KIAA2012: variants seen among roughly 807,000 people sequenced by gnomAD.
KIAA2012 encodes uncharacterized protein KIAA2012.
A neutral mutation model predicts 150.6 loss-of-function variants in KIAA2012; 125 were observed. The observed-to-expected ratio is 0.83, with a 90% CI of 0.72 to 0.96. The LOEUF (loss-of-function observed/expected upper bound fraction) is 0.96, where lower values mean the gene tolerates loss of function less well. Among genes scored for constraint, KIAA2012 ranks in the 40% least tolerant of loss-of-function variants. The pLI is 0.00. For missense variants in KIAA2012, 1,219 were observed against 1,354.9 expected, an observed-to-expected ratio of 0.90 and a Z score of 1.57; for synonymous variants, 462 against 504.7, an observed-to-expected ratio of 0.92 and a Z score of 1.13.
At chr2:202,196,351 C>T (rs1347088738) in intron 21 of KIAA2012, among the ~76,000 whole-genome samples, 6 of 151,674 alleles carry the variant, frequency 4.0e-5, no homozygotes, top group East Asian at 1.9e-4. Flanking sequence ...CCTGCCACCA[C>T]GCCCCGCTAA....
At chr2:202,079,788 C>T (rs1039950254) in intron 2 of KIAA2012, among the ~76,000 whole-genome samples, 2 of 152,128 alleles carry the variant, frequency 1.3e-5, no homozygotes, top group Admixed American at 6.5e-5. Flanking sequence ...TTCTTGAGGC[C>T]TTTAATTTAT....
chr2:202,119,140 C>T (rs762292819), intron 11 of KIAA2012, among the ~76,000 whole-genome samples: 6 of 151,998 alleles, frequency 3.9e-5, no homozygotes, highest in South Asian at 4.2e-4. Flanking sequence ...GGCATGATGG[C>T]GGGTGCCTGT....
intron 15 of KIAA2012, among the ~76,000 whole-genome samples, chr2:202,166,621 C>T (rs1416780035): frequency 6.6e-6 from 1 of 151,228 alleles, no homozygotes; most frequent in Non-Finnish European, 1.5e-5. Context: ...CATGCCACTG[C>T]ACTCCAGCCT....
intron 2 of KIAA2012, among the ~76,000 whole-genome samples, chr2:202,079,945 T>C (rs1689409595): frequency 1.3e-5 from 2 of 152,248 alleles, no homozygotes; most frequent in Admixed American, 1.3e-4. Context: ...GCATTTTACC[T>C]GTATAACCTC....
chr2:202,115,747 A>AT lies in KIAA2012; in HGVS notation c.1762+2303dup, dbSNP rs1690502565. ...GCTGGGTTTTTTGTTTTTTGTTTTA[A>AT]TTAAAAAAAAAAAAAAACTCTTGAG... On this transcript the variant is annotated intron_variant, in intron 11 of 23. Coordinates refer to ENST00000498697, the MANE Select transcript of KIAA2012 (RefSeq NM_001277372.4). 2.2e-4 allele frequency: 4 copies of AT among 18,406 alleles called. No homozygotes were observed. In the South Asian group the frequency reaches 0.014, roughly 66 times the overall value. 1.1% of individuals were successfully genotyped at this position (18,406 alleles called of 1,614,324 possible).
Position 202,079,766 on chromosome 2 carries a change from T to C in KIAA2012, c.369+4591T>C, listed in dbSNP as rs190237302. Among the ~76,000 whole-genome samples the C allele has an allele frequency of 1.1e-3, 164 of 152,356 alleles. 2 individuals carry two copies. The highest frequency in any genetic ancestry group is 1.0e-3 in the South Asian group (5 of 4,826). ...GAAATCTTGTTTAGCATTTCCAAAG[T>C]TGAAACCATTCTTCTTGAGGCCTTT... On this transcript the variant is annotated intron_variant, in intron 2 of 23. Coordinates refer to ENST00000498697, the MANE Select transcript of KIAA2012 (RefSeq NM_001277372.4).
At chr2:202,112,301 G>A (rs1304804729) in intron 10 of KIAA2012, among the ~76,000 whole-genome samples, 1 of 152,208 alleles carries the variant, frequency 6.6e-6, no homozygotes, top group African/African-American at 2.4e-5. Context: ...GCATTGCTGA[G>A]CGTGTCTAGG....
At chr2:202,136,507 C>A (rs1691064915) in intron 12 of KIAA2012, 1 of 152,576 alleles carries the variant, frequency 6.6e-6, no homozygotes, top group South Asian at 2.1e-4. Context: ...GGCCCCACCC[C>A]ACCCAGAAGC....
At chr2:202,075,292 T>C in intron 2 of KIAA2012, 117 bp downstream of exon 2, 2 of 1,127,908 alleles carry the variant, frequency 1.8e-6, no homozygotes, top group Non-Finnish European at 2.5e-6. Flanking sequence ...CTCAGAACTC[T>C]ATTTCTTCAT....
chr2:202,103,660 T>C (rs1690108903), intron 8 of KIAA2012, among the ~76,000 whole-genome samples: 1 of 152,180 alleles, frequency 6.6e-6, no homozygotes, highest in Non-Finnish European at 1.5e-5. Flanking sequence ...ATCCAAAAAG[T>C]CATTTTCCTG....
At chr2:202,179,372 G>A (rs936524865) in intron 15 of KIAA2012, 3 of 850,002 alleles carry the variant, frequency 3.5e-6, no homozygotes, top group African/African-American at 3.4e-5. Flanking sequence ...ATATGCTTTG[G>A]CTGCTGTAGC....
At chr2:202,168,648 G>A (rs1036250460) in intron 15 of KIAA2012, among the ~76,000 whole-genome samples, 1 of 152,132 alleles carries the variant, frequency 6.6e-6, no homozygotes, top group African/African-American at 2.4e-5. Flanking sequence ...CTCTGCTTAA[G>A]TCCAGGTATG....
rs780922494 is a variant in KIAA2012 at position 202,104,408 on chromosome 2, A to G, written c.1324+1294A>G. ...ACTGAAAAGATAGTTTGTTACTCACAGTTCCAAGAGGAGGAGGCACACCAC... is the reference window on the plus strand; with the variant it reads ...ACTGAAAAGATAGTTTGTTACTCACGGTTCCAAGAGGAGGAGGCACACCAC... On this transcript the variant is annotated intron_variant, in intron 8 of 23. Coordinates refer to ENST00000498697, the MANE Select transcript of KIAA2012 (RefSeq NM_001277372.4). The surrounding 1 kb of genome is among the most constrained non-coding windows in gnomAD (Gnocchi z 4.3). Among the ~76,000 whole-genome samples the G allele has an allele frequency of 1.3e-5, 2 of 152,248 alleles. No homozygotes were observed. Among genetic ancestry groups the G allele is most frequent in the East Asian group, 3.8e-4 (2 of 5,204 alleles).
At chr2:202,179,463 A>G (rs1446199298) in intron 15 of KIAA2012, 4 of 710,932 alleles carry the variant, frequency 5.6e-6, no homozygotes, top group Non-Finnish European at 1.1e-5. Context: ...TTCATTCTGT[A>G]TGATGAGCGA....
chr2:202,092,761 T>C (rs1559200425), intron 3 of KIAA2012, among the ~76,000 whole-genome samples: 1 of 152,074 alleles, frequency 6.6e-6, no homozygotes, highest in Non-Finnish European at 1.5e-5. Flanking sequence ...GCAGCCATGC[T>C]CCTTCCACCA....
At position 202,154,771 on chromosome 2, in the gene KIAA2012, C is replaced by T. The variant is rs750203205; in HGVS notation, c.2007C>T (p.Tyr669=). 19 of 1,549,804 alleles carry T rather than the reference C, an allele frequency of 1.2e-5. No homozygotes were observed. Among genetic ancestry groups the T allele is most frequent in the Non-Finnish European group, 1.7e-5 (19 of 1,146,890 alleles). ...TATGTTCAAACAGAAAAGAATTTTACACGCGCAAGCTGCACATCGACATGA... is the reference window on the plus strand; with the variant it reads ...TATGTTCAAACAGAAAAGAATTTTATACGCGCAAGCTGCACATCGACATGA... The part of the protein sequence containing the change: ...ALICSNRKEF[Y]TRKLHIDMTP... The change falls in exon 14 of 24, where the codon TAC becomes TAT. Residue 669 remains tyrosine, a synonymous_variant. Transcript: ENST00000498697.
chr2:202,091,063 G>A (rs1242983535), intron 3 of KIAA2012, 134 bp downstream of exon 3: 81 of 1,195,092 alleles, frequency 6.8e-5, no homozygotes, highest in South Asian at 1.5e-4. Flanking sequence ...AAGTCCCCAC[G>A]CTTGGTAGCC....
At chr2:202,182,177 C>T (rs1262510283) in intron 15 of KIAA2012, among the ~76,000 whole-genome samples, 4 of 140,954 alleles carry the variant, frequency 2.8e-5, no homozygotes, top group African/African-American at 5.4e-5. Context: ...TGCAATGGCG[C>T]GATCTCAGTT....
Position 202,097,662 on chromosome 2 carries a change from T to G in KIAA2012, c.828+85T>G, listed in dbSNP as rs557864252. 1.5e-4 allele frequency: 222 copies of G among 1,449,758 alleles called. 3 individuals carry two copies. In the East Asian group the frequency reaches 5.4e-3, roughly 36 times the overall value. 89.8% of individuals were successfully genotyped at this position (1,449,758 alleles called of 1,614,324 possible). ...TAGAGTGCAATGGCAGAATTTTGGC[T>G]CACTGCAACCTCCGCCTCCTGGGTT... On this transcript the variant is annotated intron_variant, in intron 5 of 23. Transcript: ENST00000498697.
Sources: gnomAD v4.1 joint callset for allele counts (sites outside exome capture counted in the v4.1 genomes callset) on GRCh38, gnomAD v4.1.1 for gene constraint, Gnocchi (gnomAD v3.1) non-coding constraint, MANE v1.5 for transcripts, NCBI Gene and HGNC (gene_info 2026-07-23, HGNC 2026-07-21) for gene names.